GRM7: variants seen among roughly 807,000 people sequenced by gnomAD.
GRM7 encodes the protein glutamate metabotropic receptor 7.
Under a neutral mutation model 84.5 loss-of-function variants are expected in GRM7, and 35 were observed. The observed-to-expected ratio is 0.41, with a 90% confidence interval of 0.32 to 0.55. The LOEUF is 0.55. Ranked by LOEUF, GRM7 falls within the 20% of genes least tolerant of loss-of-function variation. The pLI, the probability that GRM7 is intolerant of heterozygous loss-of-function variation, is 0.19. For missense variants in GRM7, 1,003 were observed against 1,194.6 expected (o/e 0.84, Z 2.36); for synonymous variants, 487 against 455.1 (o/e 1.07, Z -0.89).
rs1701805246 is a variant in GRM7, at chr3:7,717,452, C to G, written c.2699-22905C>G. 2.0e-5 allele frequency among the ~76,000 whole-genome samples: 3 copies of G among 152,248 alleles called. No homozygotes were observed. The South Asian group carries it at 6.2e-4, about 32-fold the overall frequency. On this transcript the variant is annotated intron_variant, in intron 9 of 9. Transcript: ENST00000357716. Reference sequence around the variant, plus strand: ...TTTTTTCTCCACCAGAAAACAGAGTCAGCCATCCTGCCACAGGGCTTTCAA... The same window carrying G: ...TTTTTTCTCCACCAGAAAACAGAGTGAGCCATCCTGCCACAGGGCTTTCAA...
intron 1 of GRM7, among the ~76,000 whole-genome samples, chr3:7,062,427 T>A (rs1697462761): frequency 6.6e-6 from 1 of 151,612 alleles, no homozygotes; most frequent in South Asian, 2.1e-4. Context: ...TTCCAGGAAT[T>A]AAGAATCAGA....
chr3:7,600,129 G>A (rs2125069753), intron 8 of GRM7, among the ~76,000 whole-genome samples: 1 of 151,908 alleles, frequency 6.6e-6, no homozygotes. Flanking sequence ...TGTTCAAAAG[G>A]CACACAGAGG....
rs114515033 is a variant in GRM7 at position 7,218,509 on chromosome 3, G to A, written c.736+71841G>A. ...AATAATACATGTTTATTGTGGGGTG[G>A]GAATAGATGACATATAAAAGCTTAA... On this transcript the variant is annotated intron_variant, in intron 2 of 9. Transcript: ENST00000357716. 7.1e-3 allele frequency among the ~76,000 whole-genome samples: 1,072 copies of A among 151,876 alleles called. 15 individuals are homozygous for A. Among genetic ancestry groups the A allele is most frequent in the African/African-American group, 0.025 (1,039 of 41,460 alleles).
chr3:6,862,519 C>T lies in GRM7; in HGVS notation c.519+612C>T, dbSNP rs937876910. Among the ~76,000 whole-genome samples the T allele has an allele frequency of 3.9e-5, 6 of 152,190 alleles. No homozygotes were observed. Among genetic ancestry groups the T allele is most frequent in the Non-Finnish European group, 8.8e-5 (6 of 68,036 alleles). On this transcript the variant is annotated intron_variant, in intron 1 of 9. Coordinates refer to ENST00000357716, the MANE Select transcript of GRM7 (RefSeq NM_000844.4). This position sits in a 1 kb window ranked among gnomAD's most constrained non-coding sequence, Gnocchi z 5.2. The stretch of plus-strand genomic sequence containing the variant: ...GAGCCCAGGGCGCGAGGTGCTGGGA[C>T]CTTCCTCAGGTGGAGAGATGCTGCC...
At chr3:7,416,218 G>A (rs532439715) in intron 5 of GRM7, among the ~76,000 whole-genome samples, 3 of 152,196 alleles carry the variant, frequency 2.0e-5, no homozygotes, top group Non-Finnish European at 2.9e-5. Context: ...TAGGATGTAC[G>A]TGGGACTTGG....
chr3:7,254,395 A>G (rs1268203031), intron 2 of GRM7, among the ~76,000 whole-genome samples: 1 of 152,200 alleles, frequency 6.6e-6, no homozygotes, highest in African/African-American at 2.4e-5. Flanking sequence ...TTTACTGAAC[A>G]CTCAGAATTG....
At chr3:7,708,350 CA>C (rs35071699) in intron 9 of GRM7, among the ~76,000 whole-genome samples, 13,157 of 141,460 alleles carry the variant, frequency 0.093, 725 homozygotes, top group African/African-American at 0.16. Flanking sequence ...GCAAACATGG[CA>C]AAAAAAAAAA....
chr3:7,550,043 C>T (rs1311026836), intron 7 of GRM7, among the ~76,000 whole-genome samples: 1 of 152,104 alleles, frequency 6.6e-6, no homozygotes, highest in Non-Finnish European at 1.5e-5. Context: ...CACCATCATC[C>T]TCCCCCTCTT....
intron 2 of GRM7, among the ~76,000 whole-genome samples, chr3:7,220,743 G>A (rs1366835869): frequency 6.6e-6 from 1 of 152,182 alleles, no homozygotes; most frequent in Non-Finnish European, 1.5e-5. Context: ...TGATGTGCCT[G>A]TAATTGTCTT....
intron 1 of GRM7, among the ~76,000 whole-genome samples, chr3:7,111,399 G>A (rs547590219): frequency 2.0e-5 from 3 of 152,278 alleles, no homozygotes; most frequent in African/African-American, 7.2e-5. Context: ...GGTACTAGGA[G>A]TATGTTACAT....
chr3:6,954,526 T>A lies in GRM7; in HGVS notation c.519+92619T>A, dbSNP rs1321607229. 4.9e-4 allele frequency among the ~76,000 whole-genome samples: 74 copies of A among 152,202 alleles called. 2 individuals are homozygous for A. The highest frequency in any genetic ancestry group is 4.8e-3 in the Admixed American group (74 of 15,282). ...TGTAACTGAATCCCCTTATAAGTTT[T>A]CACCACCCAGAAAGAGGCAGCAAAG... On this transcript the variant is annotated intron_variant, in intron 1 of 9. Coordinates refer to ENST00000357716, the MANE Select transcript of GRM7 (RefSeq NM_000844.4).
intron 2 of GRM7, among the ~76,000 whole-genome samples, chr3:7,203,194 T>C (rs1173355432): frequency 6.6e-6 from 1 of 152,050 alleles, no homozygotes; most frequent in Non-Finnish European, 1.5e-5. Flanking sequence ...TGAACCAACC[T>C]CTCTTCATGT....
chr3:7,646,306 C>A (rs189717893), intron 8 of GRM7, among the ~76,000 whole-genome samples: 1 of 152,294 alleles, frequency 6.6e-6, no homozygotes, highest in Admixed American at 6.5e-5. Flanking sequence ...ATTATCCTGC[C>A]TCAGCCTCCT....
chr3:7,571,489 T>C (rs1353453425), intron 7 of GRM7, among the ~76,000 whole-genome samples: 2 of 152,176 alleles, frequency 1.3e-5, no homozygotes, highest in Admixed American at 1.3e-4. Flanking sequence ...TGCTAAACCA[T>C]AAGAATCACC....
intron 8 of GRM7, among the ~76,000 whole-genome samples, chr3:7,603,889 A>C (rs558137506): frequency 6.6e-6 from 1 of 152,334 alleles, no homozygotes; most frequent in Non-Finnish European, 1.5e-5. Flanking sequence ...TAAAAGCAGC[A>C]CACATTTGTA....
At chr3:7,368,446 T>C (rs189849409) in intron 4 of GRM7, among the ~76,000 whole-genome samples, 30 of 152,272 alleles carry the variant, frequency 2.0e-4, no homozygotes, top group Middle Eastern at 3.4e-3. Flanking sequence ...AAAATGAGAC[T>C]CACATAATTT....
intron 1 of GRM7, among the ~76,000 whole-genome samples, chr3:7,141,183 T>G (rs1693933606): frequency 6.6e-6 from 1 of 151,974 alleles, no homozygotes; most frequent in Admixed American, 6.6e-5. Context: ...TCATTATAAC[T>G]TGCTTACATG....
intron 2 of GRM7, among the ~76,000 whole-genome samples, chr3:7,199,308 A>G (rs1695985521): frequency 6.6e-6 from 1 of 152,224 alleles, no homozygotes; most frequent in African/African-American, 2.4e-5. Context: ...ATGACCAGAT[A>G]TATGAGTGAG....
At chr3:7,098,380 A>C (rs2125016591) in intron 1 of GRM7, among the ~76,000 whole-genome samples, 1 of 152,160 alleles carries the variant, frequency 6.6e-6, no homozygotes, top group East Asian at 1.9e-4. Context: ...ACCTACAATT[A>C]TATGACACAA....
Sources: gnomAD v4.1 joint callset for allele counts (sites outside exome capture counted in the v4.1 genomes callset) on GRCh38, gnomAD v4.1.1 for gene constraint, Gnocchi (gnomAD v3.1) non-coding constraint, MANE v1.5 for transcripts, NCBI Gene and HGNC (gene_info 2026-07-23, HGNC 2026-07-21) for gene names.